Variants in CTNNA2 observed in about 807,000 individuals in gnomAD.
The protein encoded by CTNNA2 is catenin alpha 2.
In CTNNA2, 42 loss-of-function variants were observed where a neutral mutation model predicts 101.0. That is an observed-to-expected ratio of 0.42 (90% CI 0.32 to 0.54). CTNNA2 has a LOEUF of 0.54. CTNNA2 is among the 20% of genes least tolerant of loss of function. CTNNA2 has a pLI of 0.14. For synonymous variants in CTNNA2, 450 were observed against 456.4 expected (o/e 0.99, Z 0.18); for missense variants, 871 against 1,223.1 (o/e 0.71, Z 4.29).
At chr2:80,638,761 T>TTTTC (rs1673135093) in intron 18 of CTNNA2, among the ~76,000 whole-genome samples, 1 of 152,244 alleles carries the variant, frequency 6.6e-6, no homozygotes, top group East Asian at 1.9e-4. Context: ...TGAAGACAGT[T>TTTTC]AATCAGTGGA....
At chr2:80,187,594 A>G (rs1352353630) in intron 7 of CTNNA2, among the ~76,000 whole-genome samples, 3 of 152,250 alleles carry the variant, frequency 2.0e-5, no homozygotes, top group Admixed American at 2.0e-4. Flanking sequence ...GCAGTAATAG[A>G]ATAAAGTAAG....
intron 1 of CTNNA2, among the ~76,000 whole-genome samples, chr2:79,563,188 T>TATATATATATATATATATATATATATATA (rs1491331448): frequency 4.7e-5 from 2 of 42,306 alleles, no homozygotes; most frequent in African/African-American, 1.1e-4. Context: ...TATATATATA[T>TATATATATATATATATATATATATATATA]TTTCCTTCAT....
At chr2:80,104,044 C>T (rs1215336415) in intron 7 of CTNNA2, among the ~76,000 whole-genome samples, 1 of 152,184 alleles carries the variant, frequency 6.6e-6, no homozygotes, top group Non-Finnish European at 1.5e-5. Flanking sequence ...ATTATAACAG[C>T]TATGTGAAGC....
chr2:80,077,288 T>C (rs552205206), intron 7 of CTNNA2, among the ~76,000 whole-genome samples: 1 of 152,226 alleles, frequency 6.6e-6, no homozygotes, highest in Admixed American at 6.5e-5. Flanking sequence ...GAAAGTAAAA[T>C]AAAAACTATA....
intron 18 of CTNNA2, among the ~76,000 whole-genome samples, chr2:80,637,025 A>C (rs191404529): frequency 1.0e-3 from 154 of 152,292 alleles, no homozygotes; most frequent in Non-Finnish European, 1.9e-3. Context: ...AGGCACTGAG[A>C]CCAAGCCAAG....
intron 7 of CTNNA2, among the ~76,000 whole-genome samples, chr2:80,165,580 C>T (rs1428695907): frequency 6.6e-6 from 1 of 152,120 alleles, no homozygotes; most frequent in African/African-American, 2.4e-5. Flanking sequence ...TCTCTGTTGA[C>T]ATGTAAGTGG....
chr2:80,580,978 T>C (rs1212158713), intron 13 of CTNNA2, among the ~76,000 whole-genome samples: 3 of 152,026 alleles, frequency 2.0e-5, no homozygotes, highest in Admixed American at 2.0e-4. Flanking sequence ...ATCCCACTGC[T>C]GCACTCCAGC....
intron 4 of CTNNA2, among the ~76,000 whole-genome samples, chr2:79,869,078 T>C (rs1682375783): frequency 6.6e-6 from 1 of 152,132 alleles, no homozygotes; most frequent in Non-Finnish European, 1.5e-5. Context: ...ACTTAAATTA[T>C]TTATAAAGGA....
At position 79,823,987 on chromosome 2, in the gene CTNNA2, T is replaced by C. The variant is rs539173042; in HGVS notation, c.299-34026T>C. Reference sequence around the variant, plus strand: ...GCTAAATGCAAGGACCTCTGTCTGTTTAGGGGGAAAAAAAATAAAAGGCAG... The same window carrying C: ...GCTAAATGCAAGGACCTCTGTCTGTCTAGGGGGAAAAAAAATAAAAGGCAG... On this transcript the variant is annotated intron_variant, in intron 3 of 18. Coordinates refer to ENST00000402739, the MANE Select transcript of CTNNA2 (RefSeq NM_001282597.3). Among the ~76,000 whole-genome samples the C allele has an allele frequency of 7.2e-4, 109 of 152,102 alleles. No homozygotes were observed. In the South Asian group the frequency reaches 0.021, roughly 30 times the overall value.
intron 7 of CTNNA2, among the ~76,000 whole-genome samples, chr2:80,379,147 G>C (rs971329504): frequency 6.6e-6 from 1 of 151,966 alleles, no homozygotes; most frequent in Non-Finnish European, 1.5e-5. Flanking sequence ...AGTGTAGACA[G>C]GTTTACAAGC....
chr2:79,751,002 G>GGAAT (rs1378320355), intron 3 of CTNNA2, among the ~76,000 whole-genome samples: 1 of 152,160 alleles, frequency 6.6e-6, no homozygotes, highest in Non-Finnish European at 1.5e-5. Flanking sequence ...CAGGTACACA[G>GGAAT]GAATATGTGT....
At chr2:80,402,602 C>A (rs1431071952) in intron 8 of CTNNA2, among the ~76,000 whole-genome samples, 1 of 151,956 alleles carries the variant, frequency 6.6e-6, no homozygotes, top group African/African-American at 2.4e-5. Context: ...TTTAAGAGTT[C>A]TGTGTCAGTT....
intron 6 of CTNNA2, among the ~76,000 whole-genome samples, chr2:79,882,093 G>A (rs1683473263): frequency 6.6e-6 from 1 of 151,904 alleles, no homozygotes; most frequent in East Asian, 1.9e-4. Context: ...ATTAAATTCT[G>A]GGTTGAAAAT....
chr2:79,972,819 C>T (rs921135431), intron 7 of CTNNA2, among the ~76,000 whole-genome samples: 2 of 151,994 alleles, frequency 1.3e-5, no homozygotes, highest in African/African-American at 2.4e-5. Context: ...TGGCAGCCCT[C>T]GTTATTTATA....
At chr2:80,271,578 C>A (rs532863374) in intron 7 of CTNNA2, among the ~76,000 whole-genome samples, 2 of 152,126 alleles carry the variant, frequency 1.3e-5, no homozygotes, top group Non-Finnish European at 2.9e-5. Flanking sequence ...CAAGCCACCA[C>A]GCCAGGCTAA....
chr2:80,144,352 T>G (rs2148915645), intron 7 of CTNNA2, among the ~76,000 whole-genome samples: 1 of 152,288 alleles, frequency 6.6e-6, no homozygotes, highest in African/African-American at 2.4e-5. Flanking sequence ...GCTATAGAAC[T>G]TGTGAGTTTA....
chr2:80,215,150 C>A (rs2149043551), intron 7 of CTNNA2, among the ~76,000 whole-genome samples: 1 of 152,200 alleles, frequency 6.6e-6, no homozygotes, highest in South Asian at 2.1e-4. Flanking sequence ...TTCTAGTTAG[C>A]CATTTGTCTA....
intron 7 of CTNNA2, among the ~76,000 whole-genome samples, chr2:80,016,943 C>T (rs949829963): frequency 1.3e-5 from 2 of 152,094 alleles, no homozygotes; most frequent in African/African-American, 4.8e-5. Context: ...ATGATTAAAC[C>T]TCAAACTATC....
intron 7 of CTNNA2, among the ~76,000 whole-genome samples, chr2:80,212,644 A>C (rs1198753842): frequency 6.6e-6 from 1 of 152,178 alleles, no homozygotes; most frequent in Non-Finnish European, 1.5e-5. Flanking sequence ...GGATTTTTGC[A>C]TCAATGTTCA....
Sources: allele counts gnomAD v4.1 joint callset (sites outside exome capture counted in the v4.1 genomes callset), GRCh38; gene constraint gnomAD v4.1.1; transcripts MANE v1.5; gene names NCBI Gene and HGNC (gene_info 2026-07-23, HGNC 2026-07-21).